The following ELMO1 variants were observed in gnomAD, a reference collection of about 807,000 sequenced individuals.
The protein encoded by ELMO1 is engulfment and cell motility 1, also known as engulfment and cell motility protein 1.
A neutral mutation model predicts 98.9 loss-of-function variants in ELMO1; 26 were observed. That is an observed-to-expected ratio of 0.26 (90% CI 0.19 to 0.36). The LOEUF is 0.36. Ranked by LOEUF, ELMO1 falls within the 10% of genes least tolerant of loss-of-function variation. ELMO1 has a pLI of 1.00. For missense variants in ELMO1, 627 were observed against 935.2 expected, an observed-to-expected ratio of 0.67 and a Z score of 4.30; for synonymous variants, 346 against 346.0, an observed-to-expected ratio of 1.00 and a Z score of 0.00.
intron 16 of ELMO1, among the ~76,000 whole-genome samples, chr7:36,896,318 T>C (rs967152936): frequency 6.6e-6 from 1 of 152,184 alleles, no homozygotes; most frequent in Non-Finnish European, 1.5e-5. Flanking sequence ...CCCACGAAGA[T>C]GGATTTGGCA....
At chr7:37,089,593 T>C (rs1402998144) in intron 15 of ELMO1, among the ~76,000 whole-genome samples, 1 of 152,196 alleles carries the variant, frequency 6.6e-6, no homozygotes, top group Non-Finnish European at 1.5e-5. Context: ...AAAGAAGAAA[T>C]GCATTATAAT....
intron 13 of ELMO1, among the ~76,000 whole-genome samples, chr7:37,195,117 C>A (rs1035244412): frequency 2.0e-5 from 3 of 152,094 alleles, no homozygotes; most frequent in Non-Finnish European, 4.4e-5. Flanking sequence ...CCAGCAGGCT[C>A]CCTGTGTCTA....
chr7:37,244,210 C>A, intron 7 of ELMO1, 146 bp downstream of exon 7: 3 of 876,438 alleles, frequency 3.4e-6, no homozygotes, highest in African/African-American at 1.7e-5. Flanking sequence ...TATAAAAGAA[C>A]ATCAAATAGA....
At chr7:37,045,996 C>A (rs755142748) in intron 15 of ELMO1, among the ~76,000 whole-genome samples, 3 of 152,192 alleles carry the variant, frequency 2.0e-5, no homozygotes, top group Non-Finnish European at 4.4e-5. Flanking sequence ...TGAGCCCAGG[C>A]TGTCTCATGG....
chr7:36,877,241 C>A (rs542637223), intron 19 of ELMO1, among the ~76,000 whole-genome samples: 96 of 152,286 alleles, frequency 6.3e-4, no homozygotes, highest in African/African-American at 2.0e-3. Flanking sequence ...TGTTTTCTCC[C>A]TCTCGGATTT....
chr7:37,068,751 C>T (rs1160973563), intron 15 of ELMO1, among the ~76,000 whole-genome samples: 4 of 152,078 alleles, frequency 2.6e-5, no homozygotes, highest in African/African-American at 2.4e-5. Flanking sequence ...GTGGTGCTCA[C>T]TAAAGCACAG....
intron 1 of ELMO1, among the ~76,000 whole-genome samples, chr7:37,381,350 A>G (rs1029634481): frequency 2.6e-5 from 4 of 152,220 alleles, no homozygotes; most frequent in Non-Finnish European, 1.5e-5. Flanking sequence ...CTGGGTGACC[A>G]TAATTATTTA....
intron 16 of ELMO1, among the ~76,000 whole-genome samples, chr7:36,954,689 T>C (rs1222704574): frequency 1.3e-5 from 2 of 152,146 alleles, no homozygotes; most frequent in East Asian, 3.9e-4. Flanking sequence ...AAGGTTTTAT[T>C]AATAGGCTGG....
chr7:37,171,795 T>C (rs1790187800), intron 13 of ELMO1, among the ~76,000 whole-genome samples: 1 of 152,126 alleles, frequency 6.6e-6, no homozygotes, highest in African/African-American at 2.4e-5. Context: ...CCTGGCCGCC[T>C]TTCTCTTCTA....
At chr7:37,282,362 T>A (rs1797184353) in intron 4 of ELMO1, among the ~76,000 whole-genome samples, 1 of 152,230 alleles carries the variant, frequency 6.6e-6, no homozygotes, top group South Asian at 2.1e-4. Flanking sequence ...TTGGATATGT[T>A]ACTGTAAAAT....
intron 14 of ELMO1, among the ~76,000 whole-genome samples, chr7:37,111,681 G>A (rs1785257554): frequency 6.6e-6 from 1 of 152,170 alleles, no homozygotes; most frequent in South Asian, 2.1e-4. Context: ...TGCAAAATGG[G>A]TACAATGATA....
chr7:37,003,677 C>G (rs572281524), intron 16 of ELMO1, among the ~76,000 whole-genome samples: 18 of 152,256 alleles, frequency 1.2e-4, no homozygotes, highest in African/African-American at 4.3e-4. Flanking sequence ...GTTGAATATG[C>G]ATATGAAGTT....
At chr7:37,358,249 C>T (rs1238474613) in intron 1 of ELMO1, among the ~76,000 whole-genome samples, 2 of 152,138 alleles carry the variant, frequency 1.3e-5, no homozygotes, top group African/African-American at 4.8e-5. Context: ...TCTCCTCTAG[C>T]CTCCATTAAC....
intron 7 of ELMO1, among the ~76,000 whole-genome samples, chr7:37,237,847 G>A (rs1794562229): frequency 1.3e-5 from 2 of 152,280 alleles, no homozygotes; most frequent in South Asian, 4.1e-4. Context: ...TAGCTCCTTT[G>A]TTAAAAATTT....
chr7:37,235,761 C>T (rs113722604), intron 7 of ELMO1, among the ~76,000 whole-genome samples: 9,103 of 152,208 alleles, frequency 0.06, 373 homozygotes, highest in Non-Finnish European at 0.09. Context: ...GGTGAAACCC[C>T]GTCTCTCCTA....
At chr7:37,147,054 A>G (rs1173399122) in intron 13 of ELMO1, among the ~76,000 whole-genome samples, 1 of 152,178 alleles carries the variant, frequency 6.6e-6, no homozygotes, top group African/African-American at 2.4e-5. Flanking sequence ...TATGGGGTCC[A>G]TTAGCAAGAA....
intron 10 of ELMO1, among the ~76,000 whole-genome samples, chr7:37,217,530 C>T (rs972688494): frequency 2.6e-5 from 4 of 151,344 alleles, no homozygotes; most frequent in South Asian, 2.1e-4. Flanking sequence ...AACTAAGCCA[C>T]GGTTTAAAAA....
intron 15 of ELMO1, among the ~76,000 whole-genome samples, chr7:37,095,843 C>A (rs1784342280): frequency 6.6e-6 from 1 of 152,128 alleles, no homozygotes; most frequent in South Asian, 2.1e-4. Flanking sequence ...TATAAACAGT[C>A]TTTTCTGGTG....
At chr7:37,304,766 G>A (rs1041937261) in intron 4 of ELMO1, among the ~76,000 whole-genome samples, 11 of 152,124 alleles carry the variant, frequency 7.2e-5, no homozygotes, top group African/African-American at 2.4e-4. Flanking sequence ...CACGATTTCT[G>A]TGTTGCAAGC....
Sources: gnomAD v4.1 joint callset for allele counts (sites outside exome capture counted in the v4.1 genomes callset) on GRCh38, gnomAD v4.1.1 for gene constraint, MANE v1.5 for transcripts, NCBI Gene and HGNC (gene_info 2026-07-23, HGNC 2026-07-21) for gene names.